Variants in GALNTL6 observed in about 807,000 individuals in gnomAD.
The protein encoded by GALNTL6 is polypeptide N-acetylgalactosaminyltransferase-like 6.
In GALNTL6, 46 loss-of-function variants were observed where a neutral mutation model predicts 73.7. The ratio of observed to expected loss-of-function variants is 0.62; its 90% CI spans 0.49 to 0.80. The LOEUF (loss-of-function observed/expected upper bound fraction) is 0.80. Among genes scored for constraint, GALNTL6 ranks in the 30% least tolerant of loss-of-function variants. The pLI, the probability that GALNTL6 is intolerant of heterozygous loss-of-function variation, is 0.00. For synonymous variants in GALNTL6, 259 were observed against 263.7 expected, an observed-to-expected ratio of 0.98 and a Z score of 0.17; for missense variants, 604 against 755.0, an observed-to-expected ratio of 0.80 and a Z score of 2.34.
At chr4:172,639,439 G>A (rs1488580644) in intron 5 of GALNTL6, among the ~76,000 whole-genome samples, 1 of 151,688 alleles carries the variant, frequency 6.6e-6, no homozygotes, top group Non-Finnish European at 1.5e-5. Context: ...TGTATTTCTC[G>A]TTAAAACCAC....
intron 2 of GALNTL6, among the ~76,000 whole-genome samples, chr4:171,972,770 A>C (rs1469624028): frequency 6.6e-6 from 1 of 152,130 alleles, no homozygotes; most frequent in Non-Finnish European, 1.5e-5. Flanking sequence ...TATTCCTGTA[A>C]ACTATTCTAG....
chr4:172,172,829 C>T (rs1206045135), intron 2 of GALNTL6, among the ~76,000 whole-genome samples: 1 of 152,178 alleles, frequency 6.6e-6, no homozygotes, highest in Non-Finnish European at 1.5e-5. Context: ...TTTACAGATC[C>T]TCCTGAATCT....
At chr4:171,903,269 C>T (rs1737158558) in intron 2 of GALNTL6, among the ~76,000 whole-genome samples, 1 of 152,028 alleles carries the variant, frequency 6.6e-6, no homozygotes, top group Admixed American at 6.5e-5. Context: ...ACAGTGGGCG[C>T]AGGTCAGTGG....
At chr4:171,862,003 G>A (rs778244801) in intron 2 of GALNTL6, among the ~76,000 whole-genome samples, 1 of 152,048 alleles carries the variant, frequency 6.6e-6, no homozygotes, top group African/African-American at 2.4e-5. Flanking sequence ...GGTCTTATAT[G>A]GAAGGTGGTA....
At chr4:172,472,901 A>G (rs971903313) in intron 5 of GALNTL6, among the ~76,000 whole-genome samples, 2 of 152,144 alleles carry the variant, frequency 1.3e-5, no homozygotes, top group African/African-American at 4.8e-5. Flanking sequence ...ATTTTATGGT[A>G]CTTTGTTACT....
chr4:171,877,466 G>A (rs1331252336), intron 2 of GALNTL6, among the ~76,000 whole-genome samples: 1 of 152,176 alleles, frequency 6.6e-6, no homozygotes, highest in African/African-American at 2.4e-5. Context: ...CCGAGATCAT[G>A]ACAGGCCTTC....
chr4:171,980,899 T>C (rs1299246856), intron 2 of GALNTL6, among the ~76,000 whole-genome samples: 1 of 152,220 alleles, frequency 6.6e-6, no homozygotes. Flanking sequence ...GTGGTATATT[T>C]TAAAAAGTAG....
chr4:173,002,957 T>C lies in GALNTL6; in HGVS notation c.1372-6221T>C, dbSNP rs140064470. 3.8e-4 allele frequency among the ~76,000 whole-genome samples: 58 copies of C among 152,316 alleles called. 1 individual carries two copies. The highest frequency in any genetic ancestry group is 1.3e-3 in the African/African-American group (55 of 41,582). ...TATTTATAGTCAGTAGAATAGACAGTACCAGGGGTTGGGGGAGAAGGGGAA... is the reference window on the plus strand; with the variant it reads ...TATTTATAGTCAGTAGAATAGACAGCACCAGGGGTTGGGGGAGAAGGGGAA... On this transcript the variant is annotated intron_variant, in intron 10 of 12. Coordinates refer to ENST00000506823, the MANE Select transcript of GALNTL6 (RefSeq NM_001034845.3).
At chr4:172,360,279 A>G (rs1430132018) in intron 5 of GALNTL6, among the ~76,000 whole-genome samples, 1 of 149,836 alleles carries the variant, frequency 6.7e-6, no homozygotes, top group Non-Finnish European at 1.5e-5. Context: ...AATGATGTAT[A>G]CATTCTTATG....
At chr4:172,897,485 G>T (rs1024748858) in intron 8 of GALNTL6, among the ~76,000 whole-genome samples, 2 of 152,188 alleles carry the variant, frequency 1.3e-5, no homozygotes, top group Non-Finnish European at 2.9e-5. Flanking sequence ...GTGGGCAGAT[G>T]AGCCTTTCAC....
intron 5 of GALNTL6, among the ~76,000 whole-genome samples, chr4:172,801,816 G>A (rs1482723336): frequency 6.6e-6 from 1 of 152,110 alleles, no homozygotes; most frequent in Non-Finnish European, 1.5e-5. Context: ...GTCCCCTTAT[G>A]CATGGATTTT....
At chr4:172,244,008 C>A (rs993813516) in intron 3 of GALNTL6, among the ~76,000 whole-genome samples, 1 of 152,080 alleles carries the variant, frequency 6.6e-6, no homozygotes. Context: ...TTATTACTAT[C>A]CACAATGTCA....
At chr4:171,922,072 ATG>A (rs140433711) in intron 2 of GALNTL6, among the ~76,000 whole-genome samples, 167 of 148,294 alleles carry the variant, frequency 1.1e-3, no homozygotes, top group African/African-American at 2.7e-3. Context: ...GTTTCATAGT[ATG>A]TGTGTGTGTG....
chr4:172,305,080 AG>A (rs1740079507), intron 3 of GALNTL6, among the ~76,000 whole-genome samples: 1 of 152,120 alleles, frequency 6.6e-6, no homozygotes, highest in Non-Finnish European at 1.5e-5. Flanking sequence ...CTGTTTGGAT[AG>A]GGGTTATACT....
At chr4:171,974,909 A>G (rs1407030905) in intron 2 of GALNTL6, among the ~76,000 whole-genome samples, 1 of 152,174 alleles carries the variant, frequency 6.6e-6, no homozygotes. Flanking sequence ...TTTCTTAATG[A>G]CACTTTACAA....
At chr4:172,735,185 A>T (rs1736388708) in intron 5 of GALNTL6, among the ~76,000 whole-genome samples, 1 of 152,126 alleles carries the variant, frequency 6.6e-6, no homozygotes, top group African/African-American at 2.4e-5. Context: ...CAGACACTCA[A>T]CACCAGCCCA....
At chr4:172,148,733 C>T (rs184899060) in intron 2 of GALNTL6, among the ~76,000 whole-genome samples, 1 of 152,314 alleles carries the variant, frequency 6.6e-6, no homozygotes, top group African/African-American at 2.4e-5. Context: ...TCGAAGTGCT[C>T]TTACATTTCA....
intron 12 of GALNTL6, among the ~76,000 whole-genome samples, chr4:173,038,827 A>G (rs1213181521): frequency 6.6e-6 from 1 of 152,234 alleles, no homozygotes; most frequent in Non-Finnish European, 1.5e-5. Context: ...AGGGTGCCTG[A>G]GAAACTCCTA....
At chr4:172,285,445 A>G (rs1223293187) in intron 3 of GALNTL6, among the ~76,000 whole-genome samples, 1 of 152,204 alleles carries the variant, frequency 6.6e-6, no homozygotes, top group Non-Finnish European at 1.5e-5. Flanking sequence ...TCAAAGCATA[A>G]CCAGGAATCT....
Sources: allele counts gnomAD v4.1 joint callset (sites outside exome capture counted in the v4.1 genomes callset), GRCh38; gene constraint gnomAD v4.1.1; transcripts MANE v1.5; gene names NCBI Gene and HGNC (gene_info 2026-07-23, HGNC 2026-07-21).